KANSL1: variants seen among roughly 807,000 people sequenced by gnomAD.
The protein encoded by KANSL1 is MLL1/MLL complex subunit KANSL1.
A neutral mutation model predicts 103.6 loss-of-function variants in KANSL1; 22 were observed. That is an observed-to-expected ratio of 0.21 (90% CI 0.15 to 0.30). KANSL1 has a LOEUF of 0.30. KANSL1 is among the 10% of genes least tolerant of loss of function. KANSL1 has a pLI of 1.00. For missense variants in KANSL1, 1,337 were observed against 1,399.8 expected (o/e 0.96, Z 0.72); for synonymous variants, 600 against 527.6 (o/e 1.14, Z -1.88).
chr17:46,066,461 A>G (rs1403241412), intron 6 of KANSL1, 76 bp downstream of exon 6: 5 of 1,344,962 alleles, frequency 3.7e-6, no homozygotes, highest in East Asian at 4.8e-5. Context: ...AGAAAACACC[A>G]AAGTTGGCAA....
At chr17:46,049,057 T>A (rs1379384108) in intron 7 of KANSL1, among the ~76,000 whole-genome samples, 1 of 152,144 alleles carries the variant, frequency 6.6e-6, no homozygotes, top group African/African-American at 2.4e-5. Flanking sequence ...TCTGGTTTGG[T>A]AGATCTGTTG....
At chr17:46,052,165 A>G (rs1461663510) in intron 6 of KANSL1, among the ~76,000 whole-genome samples, 1 of 152,210 alleles carries the variant, frequency 6.6e-6, no homozygotes, top group Non-Finnish European at 1.5e-5. Flanking sequence ...ATTTAGGAAA[A>G]TTGGTTAGGA....
At chr17:46,081,800 CTAAT>C (rs975192750) in intron 4 of KANSL1, among the ~76,000 whole-genome samples, 1 of 152,148 alleles carries the variant, frequency 6.6e-6, no homozygotes, top group African/African-American at 2.4e-5. Flanking sequence ...TTTGGAATTT[CTAAT>C]TAAGTTATGG....
intron 1 of KANSL1, among the ~76,000 whole-genome samples, chr17:46,177,985 G>A (rs1420445209): frequency 7.2e-5 from 11 of 152,042 alleles, no homozygotes; most frequent in Admixed American, 5.2e-4. Context: ...CACCATGTTA[G>A]CCAGGATGGT....
intron 3 of KANSL1, among the ~76,000 whole-genome samples, chr17:46,089,502 C>T (rs189637257): frequency 6.6e-6 from 1 of 151,532 alleles, no homozygotes; most frequent in East Asian, 1.9e-4. Flanking sequence ...AATCTCCCAC[C>T]CGAAGACAAA....
Position 46,192,890 on chromosome 17 carries a change from C to T in KANSL1, c.-157G>A, listed in dbSNP as rs2047415225. 1 of 152,588 alleles carries T rather than the reference C, an allele frequency of 6.6e-6. No homozygotes were observed. The highest frequency in any genetic ancestry group is 2.1e-4 in the South Asian group (1 of 4,846). The allele number at this position is 152,588 out of a possible 1,614,324, so 9.5% of individuals were successfully genotyped here. A position where few individuals can be genotyped will look rare whatever the true frequency, so the allele number is the denominator to read the frequency against. ...AAATGGGCGCAGTTTGCAAACAGCC[C>T]CCCGGCCTGGGCGCCGAGGGCCAGC... On this transcript the variant is annotated 5_prime_UTR_variant, in exon 1 of 15. Coordinates refer to ENST00000432791, the MANE Select transcript of KANSL1 (RefSeq NM_015443.4).
At chr17:46,085,401 G>C (rs1428557266) in intron 3 of KANSL1, among the ~76,000 whole-genome samples, 3 of 152,170 alleles carry the variant, frequency 2.0e-5, no homozygotes, top group Non-Finnish European at 4.4e-5. Context: ...CTAAAGCACG[G>C]TGATTGTATC....
In KANSL1 at chr17:46,159,597, G is replaced by GC. The variant is rs1347883450; in HGVS notation, c.1289+11257dup. Among the ~76,000 whole-genome samples, 3 of 152,228 alleles carry GC rather than the reference G, an allele frequency of 2.0e-5. No individual in the cohort carries two copies. The East Asian group carries it at 5.8e-4, about 29-fold the overall frequency. On this transcript the variant is annotated intron_variant, in intron 2 of 14. Coordinates refer to ENST00000432791, the MANE Select transcript of KANSL1 (RefSeq NM_015443.4). ...AGTTCTATGGTAACTAGATTTACCAGCAAGAGTTTTCTTGAGGAAAATACT... is the reference window on the plus strand; with the variant it reads ...AGTTCTATGGTAACTAGATTTACCAGCCAAGAGTTTTCTTGAGGAAAATACT...
chr17:46,057,751 G>C (rs1317360538), intron 6 of KANSL1, among the ~76,000 whole-genome samples: 1 of 152,216 alleles, frequency 6.6e-6, no homozygotes, highest in Non-Finnish European at 1.5e-5. Flanking sequence ...ATGCTAAAAT[G>C]TTAGTGGTAG....
At chr17:46,173,792 C>G (rs182014660) in intron 1 of KANSL1, among the ~76,000 whole-genome samples, 3 of 152,266 alleles carry the variant, frequency 2.0e-5, no homozygotes, top group African/African-American at 7.2e-5. Context: ...CCTTGATGAA[C>G]AGCAAAAATT....
chr17:46,216,356 T>G (rs1285282347), intron 1 of KANSL1, among the ~76,000 whole-genome samples: 1 of 152,022 alleles, frequency 6.6e-6, no homozygotes, highest in Non-Finnish European at 1.5e-5. Flanking sequence ...CTCACACACT[T>G]TGGGAGGCCG....
intron 2 of KANSL1, among the ~76,000 whole-genome samples, chr17:46,123,171 G>GT (rs1317095479): frequency 6.6e-6 from 1 of 152,214 alleles, no homozygotes; most frequent in Non-Finnish European, 1.5e-5. Flanking sequence ...GAGGTCAAGA[G>GT]TTTGAGACCA....
At position 46,136,146 on chromosome 17, in the gene KANSL1, C is replaced by T. The variant is rs997232325; in HGVS notation, c.1289+34709G>A. ...TGCATCCTCTCCCTGGGTCAAAACT[C>T]TATATGCTAATCAAACAGGGTCATG... On this transcript the variant is annotated intron_variant, in intron 2 of 14. Transcript: ENST00000432791. 2.0e-5 allele frequency among the ~76,000 whole-genome samples: 3 copies of T among 152,248 alleles called. No homozygotes were observed. In the South Asian group the frequency reaches 6.2e-4, roughly 32 times the overall value.
upstream of KANSL1, chr17:46,196,483 C>G: frequency 2.2e-6 from 1 of 455,116 alleles, no homozygotes; most frequent in Middle Eastern, 3.3e-4. Context: ...CTTCCTCAGA[C>G]AGTGACACCT....
intron 4 of KANSL1, among the ~76,000 whole-genome samples, chr17:46,082,141 G>A (rs1324817008): frequency 1.3e-5 from 2 of 152,088 alleles, no homozygotes; most frequent in Non-Finnish European, 2.9e-5. Context: ...TGTCTCAGGT[G>A]TCAGAGCCAC....
chr17:46,136,078 T>C lies in KANSL1; in HGVS notation c.1289+34777A>G, dbSNP rs377683548. Among the ~76,000 whole-genome samples the C allele has an allele frequency of 4.5e-4, 68 of 152,312 alleles. 2 individuals carry two copies. The highest frequency in any genetic ancestry group is 1.4e-3 in the African/African-American group (58 of 41,552). On this transcript the variant is annotated intron_variant, in intron 2 of 14. Coordinates refer to ENST00000432791, the MANE Select transcript of KANSL1 (RefSeq NM_015443.4). The stretch of plus-strand genomic sequence containing the variant: ...TTCAACACCCACATAAATTCTGATA[T>C]GCACTAGGCTGAACAGCTGTTAACC...
chr17:46,148,855 G>C (rs1219200964), intron 2 of KANSL1, among the ~76,000 whole-genome samples: 7 of 149,694 alleles, frequency 4.7e-5, no homozygotes, highest in African/African-American at 1.7e-4. Flanking sequence ...CAAAGTGCTG[G>C]GATTACAAGC....
chr17:46,097,097 G>A (rs1044712505), intron 2 of KANSL1, among the ~76,000 whole-genome samples: 1 of 152,208 alleles, frequency 6.6e-6, no homozygotes, highest in Non-Finnish European at 1.5e-5. Context: ...AGGTTCACTG[G>A]AGGAGAGTCT....
intron 2 of KANSL1, among the ~76,000 whole-genome samples, chr17:46,112,257 A>C (rs1407146669): frequency 2.0e-5 from 3 of 150,270 alleles, no homozygotes; most frequent in Admixed American, 6.7e-5. Flanking sequence ...AGTCCTAGCT[A>C]CTCAGGAGGC....
Sources: gnomAD v4.1 joint callset for allele counts (sites outside exome capture counted in the v4.1 genomes callset) on GRCh38, gnomAD v4.1.1 for gene constraint, MANE v1.5 for transcripts, NCBI Gene and HGNC (gene_info 2026-07-23, HGNC 2026-07-21) for gene names.